FRY: variants seen among roughly 807,000 people sequenced by gnomAD.
The protein encoded by FRY is FRY microtubule binding protein.
In FRY, 128 loss-of-function variants were observed where a neutral mutation model predicts 348.4. The observed-to-expected ratio is 0.37, with a 90% CI of 0.32 to 0.43. FRY has a LOEUF of 0.43. Among genes scored for constraint, FRY ranks in the 20% least tolerant of loss-of-function variants. The probability of loss-of-function intolerance (pLI) is 1.00; values close to 1 mark genes in which losing one functional copy is unlikely to be tolerated. For synonymous variants in FRY, 1,370 were observed against 1,374.7 expected, an observed-to-expected ratio of 1.00 and a Z score of 0.08; for missense variants, 2,736 against 3,695.2, an observed-to-expected ratio of 0.74 and a Z score of 6.73.
chr13:32,254,222 A>C lies in FRY; in HGVS notation c.7246-2A>C. ...TCTCAGGAGAGGACTCTTGATTCGCAGGTGATTTTTTCATCGTGTGGGGAT... is the reference window on the plus strand; with the variant it reads ...TCTCAGGAGAGGACTCTTGATTCGCCGGTGATTTTTTCATCGTGTGGGGAT... On this transcript the variant is annotated splice_acceptor_variant, in intron 50 of 60. Transcript: ENST00000542859. LOFTEE classifies it high-confidence loss of function. 1 of 1,614,002 alleles carries C rather than the reference A, an allele frequency of 6.2e-7. No homozygotes were observed. The highest frequency in any genetic ancestry group is 8.5e-7 in the Non-Finnish European group (1 of 1,179,962).
chr13:32,269,135 G>A (rs17514595), intron 55 of FRY, among the ~76,000 whole-genome samples: 25,167 of 152,112 alleles, frequency 0.17, 2,622 homozygotes, highest in Non-Finnish European at 0.23. Flanking sequence ...CATGGCCGAC[G>A]GGAAAGGCAG....
chr13:32,122,519 C>T (rs911044261), intron 4 of FRY, among the ~76,000 whole-genome samples: 9 of 151,670 alleles, frequency 5.9e-5, no homozygotes, highest in Admixed American at 2.6e-4. Context: ...GCAAAATCGG[C>T]ATACAAGGGA....
intron 55 of FRY, among the ~76,000 whole-genome samples, chr13:32,273,345 C>T (rs1465802533): frequency 6.6e-6 from 1 of 151,784 alleles, no homozygotes; most frequent in Non-Finnish European, 1.5e-5. Flanking sequence ...GCCTCAGCCT[C>T]CCGAGTAGCT....
At chr13:32,062,960 G>A (rs983566763) in intron 1 of FRY, among the ~76,000 whole-genome samples, 4 of 151,662 alleles carry the variant, frequency 2.6e-5, no homozygotes, top group Admixed American at 1.3e-4. Flanking sequence ...ACATATGTAT[G>A]TGTATATATT....
Position 32,149,755 on chromosome 13 carries a change from T to A in FRY, c.1400T>A (p.Leu467Ter). ...TTCTTGTTTTTACTACAGGAACGTTTAGATTTTGCAATGAAAGAAATCATT... is the reference window on the plus strand; with the variant it reads ...TTCTTGTTTTTACTACAGGAACGTTAAGATTTTGCAATGAAAGAAATCATT... ...KIIQFIAQER[L>*]DFAMKEIIFD... is the part of the protein sequence containing the mutation. Residue 467 changes from leucine to a stop codon, truncating the protein, a stop_gained, in exon 14 of 61, where the codon TTA becomes TAA. Transcript: ENST00000542859. LOFTEE classifies it high-confidence loss of function. The A allele has an allele frequency of 6.3e-7, 1 of 1,592,682 alleles. No homozygotes were observed. Among genetic ancestry groups the A allele is most frequent in the Non-Finnish European group, 8.6e-7 (1 of 1,160,626 alleles).
chr13:32,226,068 A>G (rs1885563907), intron 39 of FRY, 94 bp downstream of exon 39: 4 of 1,029,294 alleles, frequency 3.9e-6, no homozygotes, highest in African/African-American at 3.1e-5. Flanking sequence ...AACTTCTCTC[A>G]TGCTATGACC....
intron 55 of FRY, among the ~76,000 whole-genome samples, chr13:32,271,996 G>A (rs1888228469): frequency 6.6e-6 from 1 of 152,066 alleles, no homozygotes; most frequent in East Asian, 1.9e-4. Flanking sequence ...GAGCTTATCT[G>A]CAATAATAAT....
intron 58 of FRY, among the ~76,000 whole-genome samples, chr13:32,287,395 A>C (rs1052969504): frequency 1.3e-5 from 2 of 152,254 alleles, no homozygotes; most frequent in African/African-American, 4.8e-5. Context: ...TTGGAAGGTC[A>C]TAGTTTAGCA....
intron 27 of FRY, 67 bp downstream of exon 27, chr13:32,186,487 A>G (rs1237206059): frequency 1.0e-6 from 1 of 1,002,712 alleles, no homozygotes; most frequent in Non-Finnish European, 1.6e-6. Flanking sequence ...ACTAATAACC[A>G]TGCCTTAAAA....
chr13:32,261,289 A>G (rs1422828818), intron 51 of FRY, among the ~76,000 whole-genome samples: 1 of 152,186 alleles, frequency 6.6e-6, no homozygotes, highest in Non-Finnish European at 1.5e-5. Flanking sequence ...TTTCATACTA[A>G]TGGTCTCTTT....
At chr13:32,235,110 A>G (rs924060566) in intron 42 of FRY, among the ~76,000 whole-genome samples, 2 of 152,188 alleles carry the variant, frequency 1.3e-5, no homozygotes, top group Non-Finnish European at 2.9e-5. Flanking sequence ...GCAGTTATAC[A>G]GTCTCCCTAC....
Position 32,265,611 on chromosome 13 carries a change from G to C in FRY, c.7941G>C (p.Leu2647=). 1.2e-6 allele frequency: 2 copies of C among 1,613,950 alleles called. No homozygotes were observed. Among genetic ancestry groups the C allele is most frequent in the Non-Finnish European group, 1.7e-6 (2 of 1,179,946 alleles). ...ATCGGGCACTGGACCAGTTTACCCT[G>C]GCGAGGTAATGGAGCCCTTGGCTGA... The part of the protein sequence containing the change: ...KGNRALDQFT[L]ASFGEGDRGV... Residue 2647 remains leucine, a synonymous_variant, in exon 54 of 61, where the codon CTG becomes CTC. Transcript: ENST00000542859.
intron 1 of FRY, among the ~76,000 whole-genome samples, chr13:32,072,112 C>T (rs1042389712): frequency 5.9e-5 from 9 of 151,998 alleles, no homozygotes; most frequent in African/African-American, 2.2e-4. Context: ...GATACTAATT[C>T]GTCTGGAGAT....
At chr13:32,170,457 C>A (rs9533748) in intron 17 of FRY, among the ~76,000 whole-genome samples, 52,804 of 152,016 alleles carry the variant, frequency 0.35, 9,692 homozygotes, top group African/African-American at 0.48. Flanking sequence ...AGGGGAGGCC[C>A]GAAGAACGCT....
chr13:32,077,007 G>A (rs774506557), intron 1 of FRY, among the ~76,000 whole-genome samples: 1 of 152,332 alleles, frequency 6.6e-6, no homozygotes, highest in African/African-American at 2.4e-5. Flanking sequence ...GACTGGCCTA[G>A]TGGAGGTAGG....
chr13:32,152,321 T>C (rs550481683), intron 14 of FRY, among the ~76,000 whole-genome samples: 1 of 152,190 alleles, frequency 6.6e-6, no homozygotes, highest in Non-Finnish European at 1.5e-5. Flanking sequence ...AACATAATTT[T>C]GTAAAAGAAG....
At chr13:32,251,515 CATACACACATAT>C (rs1463259857) in intron 49 of FRY, among the ~76,000 whole-genome samples, 1 of 151,588 alleles carries the variant, frequency 6.6e-6, no homozygotes, top group African/African-American at 2.4e-5. Flanking sequence ...TTTATTTTCA[CATACACACATAT>C]ATACACCCCT....
intron 51 of FRY, among the ~76,000 whole-genome samples, chr13:32,257,070 T>A (rs1189763372): frequency 6.6e-6 from 1 of 152,164 alleles, no homozygotes; most frequent in East Asian, 1.9e-4. Context: ...TTAGGTCCCA[T>A]CCCCAAGATA....
At chr13:32,246,096 C>A (rs192286593) in intron 47 of FRY, among the ~76,000 whole-genome samples, 3 of 152,206 alleles carry the variant, frequency 2.0e-5, no homozygotes, top group Non-Finnish European at 4.4e-5. Context: ...CACCTTTCTA[C>A]GAATGTGTGC....
Sources: gnomAD v4.1 joint callset for allele counts (sites outside exome capture counted in the v4.1 genomes callset) on GRCh38, gnomAD v4.1.1 for gene constraint, MANE v1.5 for transcripts, NCBI Gene and HGNC (gene_info 2026-07-23, HGNC 2026-07-21) for gene names.